Variants in ADGRA3 observed in about 807,000 individuals in gnomAD.
ADGRA3 encodes adhesion G protein-coupled receptor A3.
In ADGRA3, 56 loss-of-function variants were observed where a neutral mutation model predicts 119.8. That is an observed-to-expected ratio of 0.47 (90% CI 0.38 to 0.58). The LOEUF is 0.58. ADGRA3 is among the 20% of genes least tolerant of loss of function. ADGRA3 has a pLI of 0.00. For missense variants in ADGRA3, 1,516 were observed against 1,649.0 expected, an observed-to-expected ratio of 0.92 and a Z score of 1.40; for synonymous variants, 607 against 623.8, an observed-to-expected ratio of 0.97 and a Z score of 0.40.
chr4:22,502,893 GAAAAAAAAA>G (rs71182944), intron 1 of ADGRA3, among the ~76,000 whole-genome samples: 1 of 120,098 alleles, frequency 8.3e-6, no homozygotes, highest in African/African-American at 3.2e-5. Flanking sequence ...CTACTTAAGG[GAAAAAAAAA>G]AAAAAAAAAA....
At chr4:22,471,226 C>T (rs1717849057) in intron 2 of ADGRA3, among the ~76,000 whole-genome samples, 1 of 152,048 alleles carries the variant, frequency 6.6e-6, no homozygotes, top group Admixed American at 6.6e-5. Context: ...AAACCAACTA[C>T]CTTATGTTCC....
chr4:22,408,230 T>C (rs1474185028), intron 14 of ADGRA3, among the ~76,000 whole-genome samples: 1 of 151,956 alleles, frequency 6.6e-6, no homozygotes, highest in Non-Finnish European at 1.5e-5. Context: ...AAAGAAGATC[T>C]TCATAATCTT....
At chr4:22,477,935 G>A (rs1374246769) in intron 1 of ADGRA3, among the ~76,000 whole-genome samples, 1 of 152,126 alleles carries the variant, frequency 6.6e-6, no homozygotes, top group East Asian at 1.9e-4. Context: ...ATAATATCAT[G>A]TATTATTATA....
intron 12 of ADGRA3, among the ~76,000 whole-genome samples, chr4:22,415,546 A>G (rs1340769334): frequency 6.6e-6 from 1 of 152,162 alleles, no homozygotes; most frequent in Non-Finnish European, 1.5e-5. Context: ...TGACACATGC[A>G]AAGAGAGAAA....
At chr4:22,491,008 G>C (rs143096703) in intron 1 of ADGRA3, among the ~76,000 whole-genome samples, 1,743 of 152,230 alleles carry the variant, frequency 0.011, 19 homozygotes, top group Non-Finnish European at 0.017. Context: ...AAGGGAGGGA[G>C]GGAGAAGGCA....
intron 16 of ADGRA3, among the ~76,000 whole-genome samples, chr4:22,398,762 A>G (rs1306042322): frequency 2.0e-5 from 3 of 152,138 alleles, no homozygotes; most frequent in African/African-American, 7.2e-5. Context: ...ATAATAACAC[A>G]GGGTTTGTTA....
chr4:22,424,694 C>A (rs1715860972), intron 10 of ADGRA3, among the ~76,000 whole-genome samples: 1 of 152,208 alleles, frequency 6.6e-6, no homozygotes, highest in African/African-American at 2.4e-5. Context: ...ATAAAAAGAT[C>A]TTGACTGTTC....
At chr4:22,450,817 C>T (rs1175327005) in intron 4 of ADGRA3, among the ~76,000 whole-genome samples, 1 of 151,690 alleles carries the variant, frequency 6.6e-6, no homozygotes, top group Non-Finnish European at 1.5e-5. Flanking sequence ...TGAACTAAAT[C>T]AACATGTACT....
chr4:22,403,656 C>G (rs894819308), intron 14 of ADGRA3, among the ~76,000 whole-genome samples: 2 of 151,996 alleles, frequency 1.3e-5, no homozygotes, highest in Non-Finnish European at 2.9e-5. Flanking sequence ...TTGGGAGGAT[C>G]ACTTGAGTCC....
Position 22,388,894 on chromosome 4 carries a change from A to C in ADGRA3, c.2777T>G (p.Phe926Cys). The C allele has an allele frequency of 6.2e-7, 1 of 1,614,136 alleles. No individual in the cohort carries two copies. The highest frequency in any genetic ancestry group is 8.5e-7 in the Non-Finnish European group (1 of 1,179,992). The change falls in exon 19 of 19, where the codon TTC (phenylalanine) becomes TGC (cysteine). Residue 926 changes from phenylalanine to cysteine, a missense_variant. Physicochemically the swap from Phe to Cys is radical, Grantham distance 205. Coordinates refer to ENST00000334304, the MANE Select transcript of ADGRA3 (RefSeq NM_145290.4). ...SLGAFYGPAS[F>C]ITFVNCMYFL... ...GTACATGCAGTTTACAAAAGTGATG[A>C]AGCTGGCTGGCCCATAGAAGGCTCC...
chr4:22,398,831 G>A (rs1714485619), intron 16 of ADGRA3, among the ~76,000 whole-genome samples: 1 of 152,120 alleles, frequency 6.6e-6, no homozygotes, highest in Non-Finnish European at 1.5e-5. Context: ...ATTGTGCATA[G>A]TGCTGCAATG....
At chr4:22,491,957 C>A (rs987537806) in intron 1 of ADGRA3, among the ~76,000 whole-genome samples, 1 of 152,208 alleles carries the variant, frequency 6.6e-6, no homozygotes. Flanking sequence ...ATCGTCAGAT[C>A]AATTGCAAAT....
intron 2 of ADGRA3, among the ~76,000 whole-genome samples, chr4:22,471,485 A>G (rs183422569): frequency 4.1e-4 from 63 of 152,288 alleles, no homozygotes; most frequent in African/African-American, 1.5e-3. Context: ...CCCTTTCATC[A>G]CTTTTTCTTT....
At chr4:22,395,315 T>C (rs1284831876) in intron 16 of ADGRA3, among the ~76,000 whole-genome samples, 2 of 152,186 alleles carry the variant, frequency 1.3e-5, no homozygotes, top group South Asian at 2.1e-4. Context: ...CCTACAGCAG[T>C]GCATTATGCA....
intron 1 of ADGRA3, among the ~76,000 whole-genome samples, chr4:22,495,839 G>A (rs774478183): frequency 5.3e-5 from 8 of 152,072 alleles, no homozygotes; most frequent in Non-Finnish European, 1.2e-4. Flanking sequence ...AACCCGAGAG[G>A]CGGAGCTTGC....
intron 15 of ADGRA3, among the ~76,000 whole-genome samples, chr4:22,401,966 T>G (rs1714673816): frequency 6.6e-6 from 1 of 152,132 alleles, no homozygotes; most frequent in Admixed American, 6.5e-5. Context: ...GTCTAAACAC[T>G]CAATGCATTT....
At chr4:22,443,718 G>C (rs1203856254) in intron 6 of ADGRA3, among the ~76,000 whole-genome samples, 1 of 152,104 alleles carries the variant, frequency 6.6e-6, no homozygotes, top group Admixed American at 6.6e-5. Context: ...AATATCATTA[G>C]AGTGTAACGA....
At chr4:22,457,068 G>A (rs983379665) in intron 3 of ADGRA3, among the ~76,000 whole-genome samples, 1 of 152,102 alleles carries the variant, frequency 6.6e-6, no homozygotes, top group East Asian at 1.9e-4. Flanking sequence ...TTTAAGTGGT[G>A]CAATCACCAT....
rs182116392 is a variant in ADGRA3 at position 22,444,705 on chromosome 4, T to G, written c.706+268A>C. Among the ~76,000 whole-genome samples, 70 of 152,196 alleles carry G rather than the reference T, an allele frequency of 4.6e-4. 1 individual carries two copies. The East Asian group carries it at 7.7e-3, about 17-fold the overall frequency. The stretch of plus-strand genomic sequence containing the variant: ...ACGAGTTGCCAACTGATGGAAAATC[T>G]GAAAATCTATTCTTTGAAATTGGTT... On this transcript the variant is annotated intron_variant, in intron 6 of 18. Transcript: ENST00000334304.
Sources: gnomAD v4.1 joint callset for allele counts (sites outside exome capture counted in the v4.1 genomes callset) on GRCh38, gnomAD v4.1.1 for gene constraint, MANE v1.5 for transcripts, NCBI Gene and HGNC (gene_info 2026-07-23, HGNC 2026-07-21) for gene names.